The following RPSA2 variants were observed in gnomAD, a reference collection of about 807,000 sequenced individuals.
RPSA2 encodes the protein small ribosomal subunit protein uS2B.
chr19:23,866,422 G>C, the RPSA2 span, among the ~76,000 whole-genome samples: 1 of 152,152 alleles, frequency 6.6e-6, no homozygotes, highest in Non-Finnish European at 1.5e-5. Context: ...AAACCCTAAA[G>C]TGGGAGAATG....
At chr19:23,840,703 A>G in the RPSA2 span, among the ~76,000 whole-genome samples, 1 of 152,160 alleles carries the variant, frequency 6.6e-6, no homozygotes, top group Admixed American at 6.5e-5. Context: ...GACACCTGTA[A>G]TCCCAGCACT....
the RPSA2 span, among the ~76,000 whole-genome samples, chr19:23,810,438 A>C: frequency 3.4e-4 from 2 of 5,886 alleles, no homozygotes; most frequent in East Asian, 0.022. Flanking sequence ...GGGCTTGGAT[A>C]GTTGTAGTTT....
chr19:23,867,911 C>A, the RPSA2 span, among the ~76,000 whole-genome samples: 2 of 151,956 alleles, frequency 1.3e-5, no homozygotes, highest in African/African-American at 4.8e-5. Context: ...CACTGCCTTA[C>A]CTTTAGAATG....
the RPSA2 span, among the ~76,000 whole-genome samples, chr19:23,833,474 G>T: frequency 2.6e-5 from 4 of 152,130 alleles, no homozygotes; most frequent in Admixed American, 1.3e-4. Flanking sequence ...TCCTAGAAGT[G>T]TGAAGAATGT....
chr19:23,843,427 G>A, the RPSA2 span, among the ~76,000 whole-genome samples: 1 of 152,168 alleles, frequency 6.6e-6, no homozygotes, highest in Admixed American at 6.5e-5. Context: ...TTATATAGGA[G>A]CATCTTTTGT....
the RPSA2 span, among the ~76,000 whole-genome samples, chr19:23,814,851 T>C: frequency 4.6e-5 from 7 of 152,168 alleles, no homozygotes; most frequent in Non-Finnish European, 7.3e-5. Context: ...GTTGTGTTTG[T>C]TGTTTTTGTT....
chr19:23,763,840 A>G, the RPSA2 span, among the ~76,000 whole-genome samples: 1 of 152,160 alleles, frequency 6.6e-6, no homozygotes, highest in African/African-American at 2.4e-5. Context: ...GATTGGTGAA[A>G]TGGAAAGCAC....
the RPSA2 span, chr19:23,807,763 G>A: frequency 6.3e-6 from 2 of 319,524 alleles, no homozygotes; most frequent in East Asian, 9.4e-5. Flanking sequence ...TTTGCCTTGA[G>A]TCAAATGGAA....
chr19:23,840,631 T>C, the RPSA2 span, among the ~76,000 whole-genome samples: 1 of 152,126 alleles, frequency 6.6e-6, no homozygotes, highest in Non-Finnish European at 1.5e-5. Context: ...CTAGAATGCT[T>C]AAAGAGAGAG....
At chr19:23,801,184 A>G in the RPSA2 span, among the ~76,000 whole-genome samples, 9 of 152,196 alleles carry the variant, frequency 5.9e-5, no homozygotes, top group Non-Finnish European at 1.3e-4. Flanking sequence ...CTAGGTCTAG[A>G]AATTAAAAAA....
the RPSA2 span, among the ~76,000 whole-genome samples, chr19:23,797,481 A>T: frequency 2.8e-3 from 404 of 145,922 alleles, 2 homozygotes; most frequent in African/African-American, 9.9e-3. Flanking sequence ...ATTTATCAAG[A>T]AGTTATTCAA....
the RPSA2 span, among the ~76,000 whole-genome samples, chr19:23,861,947 G>A: frequency 1.4e-4 from 22 of 152,064 alleles, no homozygotes; most frequent in Admixed American, 2.6e-4. Flanking sequence ...TCTATGGTAG[G>A]TAGTCTGGCA....
At chr19:23,811,420 G>A in the RPSA2 span, among the ~76,000 whole-genome samples, 2 of 152,060 alleles carry the variant, frequency 1.3e-5, no homozygotes, top group Non-Finnish European at 2.9e-5. Flanking sequence ...TGTCATTACT[G>A]GTGTAAACCA....
At chr19:23,800,389 T>A in the RPSA2 span, among the ~76,000 whole-genome samples, 148,429 of 151,716 alleles carry the variant, frequency 0.98, 72,697 homozygotes, top group Middle Eastern at 1. Context: ...AGAATTTTTT[T>A]AAAATTATAT....
chr19:23,814,734 T>G, the RPSA2 span, among the ~76,000 whole-genome samples: 13 of 152,216 alleles, frequency 8.5e-5, no homozygotes, highest in Non-Finnish European at 1.5e-4. Flanking sequence ...GTGTTTTATT[T>G]TCTTATATTT....
chr19:23,829,612 T>C, the RPSA2 span, among the ~76,000 whole-genome samples: 4 of 152,234 alleles, frequency 2.6e-5, no homozygotes, highest in Admixed American at 6.5e-5. Flanking sequence ...CTTTTGTGTA[T>C]TTATACAAAT....
At chr19:23,766,089 C>G in the RPSA2 span, among the ~76,000 whole-genome samples, 1 of 144,994 alleles carries the variant, frequency 6.9e-6, no homozygotes, top group African/African-American at 2.6e-5. Context: ...GAGTGGGTGT[C>G]ATTGTTTAAT....
the RPSA2 span, among the ~76,000 whole-genome samples, chr19:23,871,001 T>A: frequency 6.6e-6 from 1 of 152,112 alleles, no homozygotes; most frequent in Non-Finnish European, 1.5e-5. Flanking sequence ...GAGCCTACTG[T>A]TTAAAGAATG....
the RPSA2 span, among the ~76,000 whole-genome samples, chr19:23,790,534 C>T: frequency 6.6e-6 from 1 of 151,976 alleles, no homozygotes; most frequent in Non-Finnish European, 1.5e-5. Flanking sequence ...GGGTCTTGAA[C>T]GATATCCAGT....
Sources: allele counts gnomAD v4.1 joint callset (sites outside exome capture counted in the v4.1 genomes callset), GRCh38; gene constraint gnomAD v4.1.1; transcripts MANE v1.5; gene names NCBI Gene and HGNC (gene_info 2026-07-23, HGNC 2026-07-21).